Variants in BMERB1 observed in about 807,000 individuals in gnomAD.
The protein encoded by BMERB1 is bMERB domain containing 1, also known as bMERB domain-containing protein 1.
Under a neutral mutation model 23.6 loss-of-function variants are expected in BMERB1, and 12 were observed. The observed-to-expected ratio is 0.51, with a 90% CI of 0.33 to 0.82. The LOEUF (loss-of-function observed/expected upper bound fraction) is 0.82. Ranked by LOEUF, BMERB1 falls within the 40% of genes least tolerant of loss-of-function variation. BMERB1 has a pLI of 0.03. For missense variants in BMERB1, 247 were observed against 255.4 expected, an observed-to-expected ratio of 0.97 and a Z score of 0.22; for synonymous variants, 122 against 96.6, an observed-to-expected ratio of 1.26 and a Z score of -1.54.
rs2052011709 is a variant in BMERB1 at position 15,534,946 on chromosome 16, G to A, written c.230+19518G>A. On this transcript the variant is annotated intron_variant, in intron 2 of 5. Coordinates refer to ENST00000300006, the MANE Select transcript of BMERB1 (RefSeq NM_033201.3). ...CCCAAGATACATATGGGTACCATCT[G>A]TCAAGATGCTAGCATTTCCCTTCAT... is the stretch of plus-strand genomic sequence containing the variant. Among the ~76,000 whole-genome samples the A allele has an allele frequency of 2.0e-5, 3 of 152,328 alleles. No homozygotes were observed. In the South Asian group the frequency reaches 6.2e-4, roughly 32 times the overall value.
At chr16:15,492,668 C>G (rs370139939) in intron 1 of BMERB1, among the ~76,000 whole-genome samples, 31 of 152,240 alleles carry the variant, frequency 2.0e-4, no homozygotes, top group African/African-American at 7.5e-4. Flanking sequence ...CCTGTATTCC[C>G]AGCACTTTGG....
chr16:15,572,754 C>G (rs1379689048), intron 3 of BMERB1, among the ~76,000 whole-genome samples: 1 of 152,128 alleles, frequency 6.6e-6, no homozygotes, highest in Non-Finnish European at 1.5e-5. Flanking sequence ...TGTTCCCACC[C>G]AAATCTCATC....
chr16:15,506,468 A>C (rs1257253871), intron 1 of BMERB1, among the ~76,000 whole-genome samples: 1 of 152,080 alleles, frequency 6.6e-6, no homozygotes, highest in Non-Finnish European at 1.5e-5. Context: ...CACTGTGCCC[A>C]GCCCCCTCCT....
At chr16:15,508,850 AGAT>A (rs1288874472) in intron 1 of BMERB1, among the ~76,000 whole-genome samples, 1 of 151,198 alleles carries the variant, frequency 6.6e-6, no homozygotes, top group Non-Finnish European at 1.5e-5. Context: ...AAAAAAAAAA[AGAT>A]GAGGTTTACA....
chr16:15,464,555 C>G (rs1253903747), intron 1 of BMERB1, among the ~76,000 whole-genome samples: 2 of 152,098 alleles, frequency 1.3e-5, no homozygotes, highest in Non-Finnish European at 2.9e-5. Flanking sequence ...ATGTCTTGAT[C>G]GTATGGTAAA....
intron 1 of BMERB1, among the ~76,000 whole-genome samples, chr16:15,455,093 T>C (rs1042359537): frequency 1.3e-5 from 2 of 152,004 alleles, no homozygotes; most frequent in Non-Finnish European, 2.9e-5. Context: ...CCCAGCACTT[T>C]AGAAGGCAGA....
chr16:15,488,226 T>TA (rs2051384063), intron 1 of BMERB1, among the ~76,000 whole-genome samples: 1 of 152,170 alleles, frequency 6.6e-6, no homozygotes, highest in Admixed American at 6.5e-5. Flanking sequence ...CTAATAAAGC[T>TA]TTATTTATAG....
chr16:15,498,776 C>G (rs58899866), intron 1 of BMERB1, among the ~76,000 whole-genome samples: 75 of 152,310 alleles, frequency 4.9e-4, no homozygotes, highest in African/African-American at 1.7e-3. Context: ...GTGATTTTGT[C>G]CCCCAGGGGA....
chr16:15,453,224 A>G (rs153791), intron 1 of BMERB1, among the ~76,000 whole-genome samples: 75,671 of 151,896 alleles, frequency 0.5, 19,032 homozygotes, highest in Admixed American at 0.61. Context: ...TTATTCTGAT[A>G]ATAAAACAGG....
chr16:15,473,843 G>A (rs545821088), intron 1 of BMERB1, among the ~76,000 whole-genome samples: 2 of 152,120 alleles, frequency 1.3e-5, no homozygotes, highest in South Asian at 2.1e-4. Flanking sequence ...TTTATGGCTG[G>A]GTGCGGTGGC....
At chr16:15,477,067 C>T (rs2051280759) in intron 1 of BMERB1, among the ~76,000 whole-genome samples, 1 of 152,122 alleles carries the variant, frequency 6.6e-6, no homozygotes, top group Non-Finnish European at 1.5e-5. Context: ...TCAAGACCAG[C>T]CTAGGCAACT....
chr16:15,537,555 TG>T (rs2052037235), intron 2 of BMERB1, among the ~76,000 whole-genome samples: 1 of 151,594 alleles, frequency 6.6e-6, no homozygotes, highest in South Asian at 2.1e-4. Flanking sequence ...GGTTTCACCA[TG>T]TTGGCCAGGC....
intron 1 of BMERB1, among the ~76,000 whole-genome samples, chr16:15,490,603 C>T (rs1452482499): frequency 6.6e-6 from 1 of 152,120 alleles, no homozygotes; most frequent in Non-Finnish European, 1.5e-5. Flanking sequence ...ACTTTAGACC[C>T]CACTTTCTTG....
At chr16:15,527,665 A>T (rs560960847) in intron 2 of BMERB1, among the ~76,000 whole-genome samples, 4 of 152,104 alleles carry the variant, frequency 2.6e-5, no homozygotes, top group Non-Finnish European at 5.9e-5. Context: ...TTGGACACAC[A>T]TTTCTAAGGG....
At chr16:15,435,405 C>G (rs1175723005) in intron 1 of BMERB1, among the ~76,000 whole-genome samples, 1 of 152,216 alleles carries the variant, frequency 6.6e-6, no homozygotes, top group African/African-American at 2.4e-5. Context: ...TATTTATTTA[C>G]TGGTTCTCTC....
intron 2 of BMERB1, among the ~76,000 whole-genome samples, chr16:15,534,240 A>G (rs1204779434): frequency 7.0e-6 from 1 of 143,870 alleles, no homozygotes; most frequent in Non-Finnish European, 1.5e-5. Context: ...CCAGAGGACT[A>G]GCCCCAGCCA....
At chr16:15,534,286 C>CAAAAAA (rs1168488547) in intron 2 of BMERB1, among the ~76,000 whole-genome samples, 242 of 41,874 alleles carry the variant, frequency 5.8e-3, no homozygotes, top group East Asian at 0.022. Flanking sequence ...TTTTTAATTG[C>CAAAAAA]AAAAAAAAAA....
chr16:15,578,763 G>C (rs550928652), intron 3 of BMERB1, among the ~76,000 whole-genome samples: 6 of 152,182 alleles, frequency 3.9e-5, no homozygotes, highest in Non-Finnish European at 7.4e-5. Flanking sequence ...CTTTTATAAG[G>C]GCACTAATTC....
At chr16:15,525,435 G>T (rs1045125247) in intron 2 of BMERB1, among the ~76,000 whole-genome samples, 2 of 152,124 alleles carry the variant, frequency 1.3e-5, no homozygotes, top group Admixed American at 1.3e-4. Flanking sequence ...CAGGTGCAGT[G>T]GTTCACGCCT....
Sources: allele counts gnomAD v4.1 joint callset (sites outside exome capture counted in the v4.1 genomes callset), GRCh38; gene constraint gnomAD v4.1.1; transcripts MANE v1.5; gene names NCBI Gene and HGNC (gene_info 2026-07-23, HGNC 2026-07-21).